The following SLC22A3 variants were observed in gnomAD, a reference collection of about 807,000 sequenced individuals.
The protein encoded by SLC22A3 is EMT organic cation transporter 3.
In SLC22A3, 51 loss-of-function variants were observed where a neutral mutation model predicts 59.1. That is an observed-to-expected ratio of 0.86 (90% confidence interval 0.69 to 1.09). The LOEUF (loss-of-function observed/expected upper bound fraction) is 1.09, where lower values mean the gene tolerates loss of function less well. Among genes scored for constraint, SLC22A3 ranks in the 50% least tolerant of loss-of-function variants. The pLI is 0.00. For synonymous variants in SLC22A3, 325 were observed against 292.0 expected, an observed-to-expected ratio of 1.11 and a Z score of -1.15; for missense variants, 711 against 726.3, an observed-to-expected ratio of 0.98 and a Z score of 0.24.
rs1788451967 is a variant in SLC22A3 at position 160,439,069 on chromosome 6, TTA to T, written c.1288+1861_1288+1862del. 2.6e-5 allele frequency among the ~76,000 whole-genome samples: 4 copies of T among 152,248 alleles called. No individual in the cohort carries two copies. The South Asian group carries it at 8.3e-4, about 32-fold the overall frequency. On this transcript the variant is annotated intron_variant, in intron 7 of 10. Transcript: ENST00000275300. ...CAACCCACTACATGGAATTAACATATTATAAGAGTTGGAGGATCTGTACAATA... is the reference window on the plus strand; with the variant it reads ...CAACCCACTACATGGAATTAACATATTAAGAGTTGGAGGATCTGTACAATA...
chr6:160,393,614 T>C (rs1184303350), intron 1 of SLC22A3, among the ~76,000 whole-genome samples: 1 of 152,198 alleles, frequency 6.6e-6, no homozygotes, highest in Non-Finnish European at 1.5e-5. Flanking sequence ...ACAAAGAACA[T>C]GAACTCATCA....
chr6:160,360,256 G>A (rs1784971156), intron 1 of SLC22A3, among the ~76,000 whole-genome samples: 1 of 152,064 alleles, frequency 6.6e-6, no homozygotes, highest in South Asian at 2.1e-4. Context: ...TCAGGAGTTC[G>A]AGACCAGCCT....
intron 5 of SLC22A3, among the ~76,000 whole-genome samples, chr6:160,423,112 G>A (rs1188288391): frequency 6.6e-6 from 1 of 152,166 alleles, no homozygotes; most frequent in African/African-American, 2.4e-5. Context: ...ATAGTTTGCT[G>A]AGAATGATGG....
At chr6:160,356,119 C>G (rs1017668463) in intron 1 of SLC22A3, among the ~76,000 whole-genome samples, 7 of 152,254 alleles carry the variant, frequency 4.6e-5, no homozygotes, top group African/African-American at 7.2e-5. Context: ...AATTGGCTTT[C>G]AGAGATTAAC....
At chr6:160,418,469 A>G (rs1787598600) in intron 5 of SLC22A3, among the ~76,000 whole-genome samples, 1 of 152,092 alleles carries the variant, frequency 6.6e-6, no homozygotes, top group African/African-American at 2.4e-5. Flanking sequence ...CTATCGTGGG[A>G]CTTCACCTTG....
At chr6:160,348,980 G>A in intron 1 of SLC22A3, 132 bp downstream of exon 1, 1 of 1,513,466 alleles carries the variant, frequency 6.6e-7, no homozygotes, top group Non-Finnish European at 8.8e-7. Context: ...TACCTCTGGG[G>A]ACAGACAGGA....
At chr6:160,351,759 A>C (rs1463431024) in intron 1 of SLC22A3, among the ~76,000 whole-genome samples, 2 of 152,214 alleles carry the variant, frequency 1.3e-5, no homozygotes, top group African/African-American at 4.8e-5. Flanking sequence ...CCATATAGCT[A>C]TAATACTTCA....
rs762813849 is a variant in SLC22A3 at position 160,447,722 on chromosome 6, T to C, written c.1514T>C (p.Ile505Thr). ...ACACCTTTCCCCTATTCCATAGGTA[T>C]CCTGGCATCCATCTGTGGTGGCCTT... The part of the protein sequence containing the change: ...WLELPLIIFG[I>T]LASICGGLVM... Residue 505 changes from isoleucine to threonine, a missense_variant, in exon 10 of 11, where the codon ATC becomes ACC. By Grantham distance (89) the Ile-to-Thr change is moderately conservative (BLOSUM62 -1). Transcript: ENST00000275300. 29 of 1,613,764 alleles carry C rather than the reference T, an allele frequency of 1.8e-5. No homozygotes were observed. The Middle Eastern group carries it at 4.9e-4, about 27-fold the overall frequency.
Position 160,348,588 on chromosome 6 carries a change from G to A in SLC22A3, c.169G>A (p.Ala57Thr), listed in dbSNP as rs1177376771. Residue 57 changes from alanine (A) to threonine (T), a missense_variant, in exon 1 of 11, where the codon GCG becomes ACG. Physicochemically the swap from Ala to Thr is moderately conservative, Grantham distance 58. Coordinates refer to ENST00000275300, the MANE Select transcript of SLC22A3 (RefSeq NM_021977.4). ...CTACTGGTGCCGCGGGCCAAGTGCC[G>A]CGGCGCTGGCCGAGCGCTGCGGCTG... Reference protein sequence around the residue: ...DHYWCRGPSAAALAERCGWSP... With the variant: ...DHYWCRGPSATALAERCGWSP... The A allele has an allele frequency of 2.6e-6, 4 of 1,522,170 alleles. No individual in the cohort carries two copies. The highest frequency in any genetic ancestry group is 4.6e-4 in the Middle Eastern group (2 of 4,316). 94.3% of individuals were successfully genotyped at this position (1,522,170 alleles called of 1,614,324 possible). A position where few individuals can be genotyped will look rare whatever the true frequency, so the allele number is the denominator to read the frequency against.
At chr6:160,390,985 C>A (rs1172090661) in intron 1 of SLC22A3, among the ~76,000 whole-genome samples, 2 of 152,148 alleles carry the variant, frequency 1.3e-5, no homozygotes, top group African/African-American at 2.4e-5. Context: ...AGATGCATCA[C>A]CCCAATCTCT....
At chr6:160,442,282 G>C (rs1788571086) in intron 7 of SLC22A3, among the ~76,000 whole-genome samples, 1 of 152,172 alleles carries the variant, frequency 6.6e-6, no homozygotes, top group African/African-American at 2.4e-5. Flanking sequence ...TAGAAACCAA[G>C]GTCAGCTCAC....
intron 1 of SLC22A3, among the ~76,000 whole-genome samples, chr6:160,389,111 C>T (rs1786140748): frequency 6.6e-6 from 1 of 152,090 alleles, no homozygotes; most frequent in Non-Finnish European, 1.5e-5. Flanking sequence ...CCAATTTAGT[C>T]ATCTTTCCAG....
At chr6:160,422,035 C>T (rs932798916) in intron 5 of SLC22A3, among the ~76,000 whole-genome samples, 6 of 152,240 alleles carry the variant, frequency 3.9e-5, no homozygotes, top group Non-Finnish European at 5.9e-5. Flanking sequence ...CAGAGCTCTG[C>T]GCAGCCAGCA....
chr6:160,448,841 T>G (rs980944611), intron 10 of SLC22A3, among the ~76,000 whole-genome samples: 1 of 152,212 alleles, frequency 6.6e-6, no homozygotes, highest in Non-Finnish European at 1.5e-5. Context: ...GAGACTTCCA[T>G]ACTGTTTGAT....
At chr6:160,382,059 AG>A (rs1785819035) in intron 1 of SLC22A3, among the ~76,000 whole-genome samples, 1 of 152,360 alleles carries the variant, frequency 6.6e-6, no homozygotes, top group Admixed American at 6.5e-5. Flanking sequence ...ATTATCTTGT[AG>A]GTATTGTATT....
intron 10 of SLC22A3, 123 bp downstream of exon 10, chr6:160,447,941 T>C (rs1193531178): frequency 4.9e-6 from 4 of 813,564 alleles, no homozygotes; most frequent in Admixed American, 2.1e-5. Context: ...TCATCTCATA[T>C]TGTAAGCAAA....
intron 1 of SLC22A3, among the ~76,000 whole-genome samples, chr6:160,354,577 A>G (rs996603505): frequency 1.3e-5 from 2 of 152,214 alleles, no homozygotes; most frequent in African/African-American, 4.8e-5. Flanking sequence ...GTGGTGGTTC[A>G]TGCCTGTAAT....
intron 5 of SLC22A3, among the ~76,000 whole-genome samples, chr6:160,429,449 C>T (rs1788072305): frequency 6.6e-6 from 1 of 152,198 alleles, no homozygotes; most frequent in East Asian, 1.9e-4. Context: ...ATGGTAAACC[C>T]TGCTGGCAAA....
intron 1 of SLC22A3, among the ~76,000 whole-genome samples, chr6:160,384,193 G>A (rs1785906378): frequency 1.3e-5 from 2 of 152,164 alleles, no homozygotes; most frequent in African/African-American, 2.4e-5. Flanking sequence ...GCCTCCCAAA[G>A]TGAGCCACCA....
Sources: gnomAD v4.1 joint callset for allele counts (sites outside exome capture counted in the v4.1 genomes callset) on GRCh38, gnomAD v4.1.1 for gene constraint, MANE v1.5 for transcripts, NCBI Gene and HGNC (gene_info 2026-07-23, HGNC 2026-07-21) for gene names.